SNCAIP: variants seen among roughly 807,000 people sequenced by gnomAD.
The protein encoded by SNCAIP is synuclein alpha interacting protein, also known as synphilin-1.
Under a neutral mutation model 86.7 loss-of-function variants are expected in SNCAIP, and 43 were observed. The ratio of observed to expected loss-of-function variants is 0.50; its 90% CI spans 0.39 to 0.64. The LOEUF is 0.64. SNCAIP is among the 30% of genes least tolerant of loss of function. The probability of loss-of-function intolerance (pLI) is 0.00; values close to 1 mark genes in which losing one functional copy is unlikely to be tolerated. For missense variants in SNCAIP, 981 were observed against 1,103.1 expected, an observed-to-expected ratio of 0.89 and a Z score of 1.57; for synonymous variants, 417 against 427.2, an observed-to-expected ratio of 0.98 and a Z score of 0.29.
chr5:122,399,966 C>T (rs918692496), intron 2 of SNCAIP, among the ~76,000 whole-genome samples: 2 of 151,956 alleles, frequency 1.3e-5, no homozygotes, highest in Non-Finnish European at 2.9e-5. Context: ...TACCACTGGT[C>T]CAGAGACCAC....
At chr5:122,349,385 C>T (rs1759313437) in intron 1 of SNCAIP, among the ~76,000 whole-genome samples, 1 of 152,088 alleles carries the variant, frequency 6.6e-6, no homozygotes, top group Non-Finnish European at 1.5e-5. Context: ...CTAATGACTA[C>T]CACTGATAAT....
At chr5:122,350,176 A>G (rs1192402784) in intron 1 of SNCAIP, among the ~76,000 whole-genome samples, 10 of 152,196 alleles carry the variant, frequency 6.6e-5, no homozygotes, top group Admixed American at 6.6e-4. Context: ...TACGTTAAGC[A>G]TGGTAATCGC....
rs1785642852 is a variant in SNCAIP at position 122,459,653 on chromosome 5, G to A, written c.2755-3838G>A. Among the ~76,000 whole-genome samples the A allele has an allele frequency of 2.0e-5, 3 of 152,220 alleles. No individual in the cohort carries two copies. The South Asian group carries it at 6.2e-4, about 32-fold the overall frequency. ...AGGGGTTTTGTCCTGCAGAAAGAGT[G>A]CTCATTTTAGTGTTTTTGACCACAG... On this transcript the variant is annotated intron_variant, in intron 10 of 10. Transcript: ENST00000261368.
chr5:122,417,523 A>G (rs1775553129), intron 3 of SNCAIP, among the ~76,000 whole-genome samples: 1 of 152,236 alleles, frequency 6.6e-6, no homozygotes, highest in African/African-American at 2.4e-5. Flanking sequence ...TCAAGAGCTT[A>G]CTAACACTAT....
intron 1 of SNCAIP, among the ~76,000 whole-genome samples, chr5:122,383,911 A>G (rs1353835357): frequency 1.3e-5 from 2 of 152,226 alleles, no homozygotes; most frequent in Non-Finnish European, 2.9e-5. Context: ...CCAACTGGCT[A>G]TGGAATATGT....
At chr5:122,337,067 A>C (rs1457252186) in intron 1 of SNCAIP, among the ~76,000 whole-genome samples, 1 of 152,220 alleles carries the variant, frequency 6.6e-6, no homozygotes, top group Non-Finnish European at 1.5e-5. Flanking sequence ...ATGTGGCAGG[A>C]GTCAGAGGTG....
rs1372798100 is a variant in SNCAIP, at chr5:122,430,231, C to T, written c.1183-1738C>T. Among the ~76,000 whole-genome samples, 20 of 152,124 alleles carry T rather than the reference C, an allele frequency of 1.3e-4. 1 individual carries two copies. The highest frequency in any genetic ancestry group is 1.0e-3 in the Admixed American group (16 of 15,266). ...CTATTCTACTAATTTAAATGCTACC[C>T]TCAGTGAAGCCTCCCTTGGCTCCCT... On this transcript the variant is annotated intron_variant, in intron 5 of 10. Coordinates refer to ENST00000261368, the MANE Select transcript of SNCAIP (RefSeq NM_005460.4).
chr5:122,380,384 A>ATATC (rs1318954389), intron 1 of SNCAIP, among the ~76,000 whole-genome samples: 7 of 151,898 alleles, frequency 4.6e-5, no homozygotes, highest in African/African-American at 1.7e-4. Context: ...ATCAGTGGTG[A>ATATC]TATCCCCTTT....
chr5:122,405,552 C>T (rs1336100160), intron 3 of SNCAIP, among the ~76,000 whole-genome samples: 4 of 152,134 alleles, frequency 2.6e-5, no homozygotes, highest in African/African-American at 9.7e-5. Flanking sequence ...TACCCAGAGT[C>T]ACACAGCAAT....
intron 1 of SNCAIP, among the ~76,000 whole-genome samples, chr5:122,359,347 A>AC (rs1561576449): frequency 4.8e-5 from 2 of 41,474 alleles, no homozygotes; most frequent in Non-Finnish European, 1.1e-4. Flanking sequence ...TGAGATTTTT[A>AC]TTTTTATTTA....
At chr5:122,395,953 T>C (rs573665002) in intron 2 of SNCAIP, among the ~76,000 whole-genome samples, 2 of 152,198 alleles carry the variant, frequency 1.3e-5, no homozygotes, top group Admixed American at 1.3e-4. Flanking sequence ...GGCCTCTGAG[T>C]GGTTCAATCC....
chr5:122,362,757 G>T (rs189083737), intron 1 of SNCAIP, among the ~76,000 whole-genome samples: 1 of 152,130 alleles, frequency 6.6e-6, no homozygotes, highest in Non-Finnish European at 1.5e-5. Flanking sequence ...TGAACTGAGC[G>T]TGAACTACAT....
intron 1 of SNCAIP, among the ~76,000 whole-genome samples, chr5:122,319,058 G>T (rs945713069): frequency 6.7e-6 from 1 of 149,588 alleles, no homozygotes; most frequent in South Asian, 2.1e-4. Flanking sequence ...TCCTCCTGGC[G>T]ACTGCCAAGT....
intron 1 of SNCAIP, among the ~76,000 whole-genome samples, chr5:122,315,169 G>A (rs1405754451): frequency 1.3e-5 from 2 of 152,222 alleles, no homozygotes; most frequent in African/African-American, 4.8e-5. Context: ...GGCTCAGTGA[G>A]ATGGTTCTTC....
rs73285556 is a variant in SNCAIP, at chr5:122,351,924, A to C, written c.-46-39165A>C. Among the ~76,000 whole-genome samples the C allele has an allele frequency of 8.5e-3, 1,297 of 152,272 alleles. 20 individuals are homozygous for C. The highest frequency in any genetic ancestry group is 0.03 in the African/African-American group (1,246 of 41,562). ...TCTTGTTTTCCAAAAAAGCAGGATG[A>C]TCTGATCTCACCCACTGATACCCTC... On this transcript the variant is annotated intron_variant, in intron 1 of 10. Coordinates refer to ENST00000261368, the MANE Select transcript of SNCAIP (RefSeq NM_005460.4).
At chr5:122,382,760 C>G (rs1472394405) in intron 1 of SNCAIP, among the ~76,000 whole-genome samples, 1 of 152,180 alleles carries the variant, frequency 6.6e-6, no homozygotes, top group African/African-American at 2.4e-5. Context: ...TTCCTTCTAA[C>G]AGACAGGACC....
rs943860254 is a variant in SNCAIP at position 122,449,914 on chromosome 5, C to A, written c.1662C>A (p.Gly554=). ...QQFLEAQKSE[G]KSLPSSPSSP... ...TTCTAGAAGCCCAGAAATCAGAGGG[C>A]AAGTCACTCCCTTCTTCACCCAGGT... is the stretch of plus-strand genomic sequence containing the variant. The change falls in exon 9 of 11, where the codon GGC becomes GGA. Residue 554 remains glycine, a synonymous_variant. Transcript: ENST00000261368. 6.2e-7 allele frequency: 1 copy of A among 1,612,828 alleles called. No individual in the cohort carries two copies. The highest frequency in any genetic ancestry group is 8.5e-7 in the Non-Finnish European group (1 of 1,178,820).
At chr5:122,333,009 G>A (rs1426310814) in intron 1 of SNCAIP, among the ~76,000 whole-genome samples, 1 of 152,222 alleles carries the variant, frequency 6.6e-6, no homozygotes, top group Non-Finnish European at 1.5e-5. Context: ...GGCCACTATG[G>A]AGAAAATAAG....
chr5:122,391,958 G>C (rs1359813174), intron 2 of SNCAIP, among the ~76,000 whole-genome samples: 1 of 152,196 alleles, frequency 6.6e-6, no homozygotes, highest in Non-Finnish European at 1.5e-5. Flanking sequence ...TGATGAGAAG[G>C]TTGCTGTTTC....
Sources: gnomAD v4.1 joint callset for allele counts (sites outside exome capture counted in the v4.1 genomes callset) on GRCh38, gnomAD v4.1.1 for gene constraint, MANE v1.5 for transcripts, NCBI Gene and HGNC (gene_info 2026-07-23, HGNC 2026-07-21) for gene names.